Variants in ASIC2 observed in about 807,000 individuals in gnomAD.
ASIC2 encodes acid-sensing ion channel 2.
A neutral mutation model predicts 57.3 loss-of-function variants in ASIC2; 25 were observed. The observed-to-expected ratio is 0.44, with a 90% CI of 0.32 to 0.61. The LOEUF (loss-of-function observed/expected upper bound fraction) is 0.61. ASIC2 is among the 20% of genes least tolerant of loss of function. The probability of loss-of-function intolerance (pLI) is 0.06; values close to 1 mark genes in which losing one functional copy is unlikely to be tolerated. For missense variants in ASIC2, 641 were observed against 738.1 expected, an observed-to-expected ratio of 0.87 and a Z score of 1.52; for synonymous variants, 319 against 307.5, an observed-to-expected ratio of 1.04 and a Z score of -0.39.
At chr17:33,234,024 T>A (rs960010101) in intron 1 of ASIC2, among the ~76,000 whole-genome samples, 3 of 152,172 alleles carry the variant, frequency 2.0e-5, no homozygotes, top group African/African-American at 7.2e-5. Flanking sequence ...ATAAAACCTG[T>A]CACCCACAAG....
chr17:33,686,848 A>G (rs1026646926), intron 1 of ASIC2, among the ~76,000 whole-genome samples: 8 of 152,108 alleles, frequency 5.3e-5, no homozygotes, highest in Non-Finnish European at 8.8e-5. Context: ...CAAGCCATCA[A>G]TTGAATTGGG....
intron 1 of ASIC2, among the ~76,000 whole-genome samples, chr17:33,196,870 G>A (rs1007777496): frequency 1.3e-5 from 2 of 152,206 alleles, no homozygotes; most frequent in African/African-American, 4.8e-5. Context: ...ACAGATGGGA[G>A]TAGGAATCTC....
intron 1 of ASIC2, among the ~76,000 whole-genome samples, chr17:33,123,241 G>C (rs140954923): frequency 5.1e-4 from 78 of 152,264 alleles, no homozygotes; most frequent in African/African-American, 1.8e-3. Context: ...GAAACAACCA[G>C]AGCACCCATC....
intron 1 of ASIC2, among the ~76,000 whole-genome samples, chr17:33,761,758 C>T (rs1910787550): frequency 6.6e-6 from 1 of 152,034 alleles, no homozygotes; most frequent in African/African-American, 2.4e-5. Flanking sequence ...TTTTCTCTAC[C>T]TTCTATTTCC....
intron 1 of ASIC2, among the ~76,000 whole-genome samples, chr17:33,621,029 C>A (rs1426541813): frequency 6.6e-6 from 1 of 152,124 alleles, no homozygotes; most frequent in Admixed American, 6.5e-5. Context: ...TGCTCTTCCC[C>A]CAGGTATTCA....
chr17:33,064,409 G>A (rs2092034270), intron 3 of ASIC2, among the ~76,000 whole-genome samples: 1 of 152,180 alleles, frequency 6.6e-6, no homozygotes, highest in African/African-American at 2.4e-5. Context: ...GTCTGTTGGA[G>A]TTTTCTGGAG....
At chr17:33,852,832 C>T (rs963162131) in intron 1 of ASIC2, among the ~76,000 whole-genome samples, 6 of 152,106 alleles carry the variant, frequency 3.9e-5, no homozygotes, top group Non-Finnish European at 7.3e-5. Context: ...TGGAGAGGGC[C>T]GGTGAGCAAG....
At chr17:33,072,441 C>G (rs1433058287) in intron 3 of ASIC2, among the ~76,000 whole-genome samples, 1 of 152,192 alleles carries the variant, frequency 6.6e-6, no homozygotes, top group African/African-American at 2.4e-5. Context: ...CAATAACAGG[C>G]TAATTTTAAT....
intron 3 of ASIC2, among the ~76,000 whole-genome samples, chr17:33,072,774 G>T (rs956822148): frequency 6.6e-6 from 1 of 152,196 alleles, no homozygotes; most frequent in African/African-American, 2.4e-5. Context: ...TGGATTTGCT[G>T]CTTCCTCTCT....
rs1037320358 is a variant in ASIC2 at position 33,358,702 on chromosome 17, T to A, written c.556-246635A>T. On this transcript the variant is annotated intron_variant, in intron 1 of 9. Coordinates refer to the ASIC2 transcript ENST00000359872. ...ATTTCACAGGGACTTTTGTAGAAGGTGTTAACAGAAAGGTTCATGCTAGGA... is the reference window on the plus strand; with the variant it reads ...ATTTCACAGGGACTTTTGTAGAAGGAGTTAACAGAAAGGTTCATGCTAGGA... Among the ~76,000 whole-genome samples, 10 of 152,340 alleles carry A rather than the reference T, an allele frequency of 6.6e-5. 3 individuals are homozygous for A. The highest frequency in any genetic ancestry group is 6.5e-4 in the Admixed American group (10 of 15,308).
At chr17:33,796,363 G>T (rs192278520) in intron 1 of ASIC2, among the ~76,000 whole-genome samples, 90 of 152,172 alleles carry the variant, frequency 5.9e-4, no homozygotes, top group South Asian at 6.2e-4. Context: ...TGCTCCTCAG[G>T]ATTCTTGTTT....
chr17:33,318,704 G>A (rs926380655), intron 1 of ASIC2, among the ~76,000 whole-genome samples: 15 of 152,288 alleles, frequency 9.8e-5, no homozygotes, highest in Admixed American at 6.5e-5. Flanking sequence ...GATCCTGGAG[G>A]TGCCCTGTGG....
At chr17:34,000,256 T>A (rs931222802) in intron 1 of ASIC2, among the ~76,000 whole-genome samples, 3 of 150,374 alleles carry the variant, frequency 2.0e-5, no homozygotes, top group African/African-American at 7.4e-5. Context: ...ATCTATTTTT[T>A]TTTTTTTTTT....
intron 1 of ASIC2, among the ~76,000 whole-genome samples, chr17:33,142,960 A>G (rs906917301): frequency 2.0e-5 from 3 of 152,184 alleles, no homozygotes; most frequent in African/African-American, 4.8e-5. Flanking sequence ...ACACTGAATC[A>G]TGGATGTTTC....
chr17:33,858,375 T>G (rs985740307), intron 1 of ASIC2, among the ~76,000 whole-genome samples: 1 of 152,180 alleles, frequency 6.6e-6, no homozygotes, highest in Non-Finnish European at 1.5e-5. Flanking sequence ...CCCTGCAGGG[T>G]CCAGCCTGGT....
intron 1 of ASIC2, among the ~76,000 whole-genome samples, chr17:33,595,501 C>T (rs940429995): frequency 6.6e-6 from 1 of 152,202 alleles, no homozygotes; most frequent in East Asian, 1.9e-4. Context: ...CCTTTAACTG[C>T]GTAAGAAGCA....
At chr17:33,521,272 T>G (rs750871195) in intron 1 of ASIC2, among the ~76,000 whole-genome samples, 30 of 152,054 alleles carry the variant, frequency 2.0e-4, no homozygotes, top group Non-Finnish European at 3.1e-4. Flanking sequence ...TTTTGAAGGA[T>G]GCAAATTAGC....
chr17:33,919,729 T>C (rs1406612575), intron 1 of ASIC2, among the ~76,000 whole-genome samples: 2 of 152,048 alleles, frequency 1.3e-5, no homozygotes, highest in Admixed American at 1.3e-4. Flanking sequence ...ACCGAGTAAA[T>C]AGACAACTTA....
At chr17:33,652,447 A>C (rs1333734860) in intron 1 of ASIC2, among the ~76,000 whole-genome samples, 1 of 152,180 alleles carries the variant, frequency 6.6e-6, no homozygotes. Flanking sequence ...GATCTTATTC[A>C]ATCCTCGCAA....
Sources: allele counts gnomAD v4.1 joint callset (sites outside exome capture counted in the v4.1 genomes callset), GRCh38; gene constraint gnomAD v4.1.1; transcripts MANE v1.5; gene names NCBI Gene and HGNC (gene_info 2026-07-23, HGNC 2026-07-21).